The following BRF1 variants were observed in gnomAD, a reference collection of about 807,000 sequenced individuals.
The protein encoded by BRF1 is BRF1 general transcription factor IIIB subunit.
BRF1 carries 59 observed loss-of-function variants against 81.7 expected under a neutral mutation model. That is an observed-to-expected ratio of 0.72 (90% CI 0.59 to 0.90). The LOEUF (loss-of-function observed/expected upper bound fraction) is 0.90. BRF1 is among the 40% of genes least tolerant of loss of function. BRF1 has a pLI of 0.00. For synonymous variants in BRF1, 491 were observed against 395.6 expected, an observed-to-expected ratio of 1.24 and a Z score of -2.86; for missense variants, 1,050 against 936.3, an observed-to-expected ratio of 1.12 and a Z score of -1.58.
Position 105,310,504 on chromosome 14 carries a change from T to A in BRF1, c.-162+4818A>T, listed in dbSNP as rs1441013927. Among the ~76,000 whole-genome samples the A allele has an allele frequency of 2.6e-5, 3 of 117,528 alleles. No homozygotes were observed. The Admixed American group carries it at 3.7e-4, about 14-fold the overall frequency. 77.1% of individuals were successfully genotyped at this position (117,528 alleles called of 152,430 possible). A position where few individuals can be genotyped will look rare whatever the true frequency, so the allele number is the denominator to read the frequency against. On this transcript the variant is annotated intron_variant, in intron 1 of 17. Coordinates refer to the BRF1 transcript ENST00000327359. Reference sequence around the variant, plus strand: ...GAGATGGCACCACTGCACTCCAGCCTGGGCGACAGACAGAGCGAGACTCTG... The same window carrying A: ...GAGATGGCACCACTGCACTCCAGCCAGGGCGACAGACAGAGCGAGACTCTG...
chr14:105,315,064 C>T lies in BRF1; in HGVS notation c.-162+258G>A, dbSNP rs950393667. ...TACGCGCCGCCCGCCGCGCTTTGTT[C>T]CCGCCGGGCACCTGCTGGGGGTGTC... On this transcript the variant is annotated intron_variant, in intron 1 of 17. Coordinates refer to the BRF1 transcript ENST00000327359. This position sits in a 1 kb window ranked among gnomAD's most constrained non-coding sequence, Gnocchi z 4.4. 8.8e-6 allele frequency: 10 copies of T among 1,139,818 alleles called. No individual in the cohort carries two copies. In the African/African-American group the frequency reaches 1.5e-4, roughly 17 times the overall value. The allele number at this position is 1,139,818 out of a possible 1,614,324, so 70.6% of individuals were successfully genotyped here.
At chr14:105,287,514 G>T (rs1481193093) in intron 1 of BRF1, among the ~76,000 whole-genome samples, 1 of 152,212 alleles carries the variant, frequency 6.6e-6, no homozygotes, top group Non-Finnish European at 1.5e-5. Flanking sequence ...ATCGGGACGC[G>T]CAGACAACCT....
chr14:105,224,014 A>C (rs1300623195), intron 10 of BRF1, among the ~76,000 whole-genome samples: 1 of 152,220 alleles, frequency 6.6e-6, no homozygotes, highest in Non-Finnish European at 1.5e-5. Flanking sequence ...TACTATTGTA[A>C]GCCAATGAGA....
At position 105,241,488 on chromosome 14, in the gene BRF1, G is replaced by C. The variant is rs929247893; in HGVS notation, c.545-74C>G. 7 of 1,579,136 alleles carry C rather than the reference G, an allele frequency of 4.4e-6. No individual in the cohort carries two copies. In the South Asian group the frequency reaches 6.7e-5, roughly 15 times the overall value. ...GTGCACAGGCGGCCCACGCAGCCCA[G>C]GGGTGGGGCAACCTGCACTTGTCTT... On this transcript the variant is annotated intron_variant, in intron 5 of 17. Transcript: ENST00000547530.
Position 105,252,324 on chromosome 14 carries a change from C to T in BRF1, c.544+183G>A, listed in dbSNP as rs1044510072. ...CACTGCACTCCAGCCTGGACAACAG[C>T]GAGACTGTGTCTTAGAAAATAAGGC... On this transcript the variant is annotated intron_variant, in intron 5 of 17. Transcript: ENST00000547530. 3.6e-5 allele frequency: 35 copies of T among 966,860 alleles called. No homozygotes were observed. In the Admixed American group the frequency reaches 1.8e-3, roughly 49 times the overall value. 59.9% of individuals were successfully genotyped at this position (966,860 alleles called of 1,614,324 possible). A position where few individuals can be genotyped will look rare whatever the true frequency, so the allele number is the denominator to read the frequency against.
intron 5 of BRF1, chr14:105,250,270 G>A (rs763294084): frequency 1.9e-6 from 3 of 1,613,094 alleles, no homozygotes; most frequent in African/African-American, 1.3e-5. Context: ...ACCAGTGGCG[G>A]TACCGCGGGC....
rs919378796 is a variant in BRF1 at position 105,271,511 on chromosome 14, C to T, written c.439+1210G>A. On this transcript the variant is annotated intron_variant, in intron 3 of 17. Coordinates refer to ENST00000547530, the MANE Select transcript of BRF1 (RefSeq NM_001519.4). The surrounding 1 kb of genome is among the most constrained non-coding windows in gnomAD (Gnocchi z 5.5). ...GGGAGGGGGACCACCTTCAGAGGGGCGCAGCTCGGAAAAGGTCCCTCTCCC... is the reference window on the plus strand; with the variant it reads ...GGGAGGGGGACCACCTTCAGAGGGGTGCAGCTCGGAAAAGGTCCCTCTCCC... Among the ~76,000 whole-genome samples the T allele has an allele frequency of 6.6e-6, 1 of 152,146 alleles. No homozygotes were observed. The highest frequency in any genetic ancestry group is 1.5e-5 in the Non-Finnish European group (1 of 68,030).
At chr14:105,256,226 G>A in intron 4 of BRF1, 1 of 1,538,684 alleles carries the variant, frequency 6.5e-7, no homozygotes, top group Non-Finnish European at 8.7e-7. Flanking sequence ...AATCTCCTTT[G>A]TGTAGGACAA....
At chr14:105,314,056 G>T (rs949294404) in intron 1 of BRF1, among the ~76,000 whole-genome samples, 19 of 152,268 alleles carry the variant, frequency 1.2e-4, no homozygotes, top group African/African-American at 4.3e-4. Context: ...GGCGCCCGGG[G>T]TCATCTGGAG....
intron 5 of BRF1, chr14:105,250,812 G>C: frequency 1.1e-6 from 1 of 926,666 alleles, no homozygotes; most frequent in Non-Finnish European, 1.6e-6. Context: ...ACTGTGTAGA[G>C]ACATTTTCCA....
intron 1 of BRF1, among the ~76,000 whole-genome samples, chr14:105,290,175 T>A (rs1186368019): frequency 1.3e-5 from 2 of 152,068 alleles, no homozygotes; most frequent in Non-Finnish European, 2.9e-5. Context: ...ACCCCAGCAC[T>A]TTGGGAGGCC....
intron 1 of BRF1, among the ~76,000 whole-genome samples, chr14:105,291,937 G>T (rs1055884349): frequency 6.6e-6 from 1 of 152,112 alleles, no homozygotes; most frequent in African/African-American, 2.4e-5. Context: ...GGCGGAGGCT[G>T]CAGTGAGATG....
chr14:105,292,796 C>G (rs1024724584), intron 1 of BRF1, among the ~76,000 whole-genome samples: 1 of 151,942 alleles, frequency 6.6e-6, no homozygotes, highest in Non-Finnish European at 1.5e-5. Context: ...ATGCGCACAC[C>G]CCTTCCCAGG....
chr14:105,293,140 C>T (rs2057591776), intron 1 of BRF1, among the ~76,000 whole-genome samples: 1 of 152,144 alleles, frequency 6.6e-6, no homozygotes, highest in Non-Finnish European at 1.5e-5. Flanking sequence ...ACTAGAGCCC[C>T]GCCAGGAGGC....
chr14:105,287,175 C>A (rs1333730814), intron 1 of BRF1, among the ~76,000 whole-genome samples: 1 of 152,226 alleles, frequency 6.6e-6, no homozygotes, highest in Non-Finnish European at 1.5e-5. Flanking sequence ...CCACATTCTG[C>A]CCTGCAGGGC....
Position 105,315,094 on chromosome 14 carries a change from C to A in BRF1, c.-162+228G>T. On this transcript the variant is annotated intron_variant, in intron 1 of 17. Coordinates refer to the BRF1 transcript ENST00000327359. This position sits in a 1 kb window ranked among gnomAD's most constrained non-coding sequence, Gnocchi z 4.4. ...CGGGCACCTGCTGGGGGTGTCCTGG[C>A]CGCGGCCTCTGCGCGCCCCATCCCC... 1 of 1,032,574 alleles carries A rather than the reference C, an allele frequency of 9.7e-7. No homozygotes were observed. Among genetic ancestry groups the A allele is most frequent in the Non-Finnish European group, 1.2e-6 (1 of 852,316 alleles). 64.0% of individuals were successfully genotyped at this position (1,032,574 alleles called of 1,614,324 possible). A position where few individuals can be genotyped will look rare whatever the true frequency, so the allele number is the denominator to read the frequency against.
At chr14:105,248,042 C>A in intron 5 of BRF1, 2 of 985,472 alleles carry the variant, frequency 2.0e-6, no homozygotes, top group Non-Finnish European at 2.4e-6. Context: ...CTTGCCCACC[C>A]GCCGGCTGTG....
At chr14:105,298,919 C>A (rs10149942) in intron 1 of BRF1, among the ~76,000 whole-genome samples, 5,268 of 151,738 alleles carry the variant, frequency 0.035, 298 homozygotes, top group African/African-American at 0.12. Context: ...GCCTGTAATC[C>A]CAGCACTTTG....
intron 6 of BRF1, among the ~76,000 whole-genome samples, chr14:105,229,430 G>A (rs932515395): frequency 7.9e-5 from 12 of 152,244 alleles, no homozygotes; most frequent in Non-Finnish European, 1.2e-4. Context: ...TACCTGGCCT[G>A]CCGGGTAGAG....
Sources: gnomAD v4.1 joint callset for allele counts (sites outside exome capture counted in the v4.1 genomes callset) on GRCh38, gnomAD v4.1.1 for gene constraint, Gnocchi (gnomAD v3.1) non-coding constraint, MANE v1.5 for transcripts, NCBI Gene and HGNC (gene_info 2026-07-23, HGNC 2026-07-21) for gene names.